APBB2: variants seen among roughly 807,000 people sequenced by gnomAD.
APBB2 encodes amyloid beta precursor protein binding family B member 2, also known as Fe65-like 1.
A neutral mutation model predicts 82.5 loss-of-function variants in APBB2; 38 were observed. That is an observed-to-expected ratio of 0.46 (90% CI 0.36 to 0.60). APBB2 has a LOEUF of 0.60. Ranked by LOEUF, APBB2 falls within the 20% of genes least tolerant of loss-of-function variation. The probability of loss-of-function intolerance (pLI) is 0.00; values close to 1 mark genes in which losing one functional copy is unlikely to be tolerated. For missense variants in APBB2, 772 were observed against 972.3 expected, an observed-to-expected ratio of 0.79 and a Z score of 2.74; for synonymous variants, 341 against 368.2, an observed-to-expected ratio of 0.93 and a Z score of 0.85.
chr4:40,980,636 T>C (rs1798236479), intron 6 of APBB2, among the ~76,000 whole-genome samples: 1 of 152,206 alleles, frequency 6.6e-6, no homozygotes, highest in African/African-American at 2.4e-5. Flanking sequence ...GTAGAAATTA[T>C]AGCCCTAAAG....
intron 12 of APBB2, among the ~76,000 whole-genome samples, chr4:40,862,848 C>A (rs1471471982): frequency 4.3e-5 from 5 of 117,570 alleles, no homozygotes; most frequent in African/African-American, 1.7e-4. Context: ...GAGAGTGAGA[C>A]TCCATCTCAA....
chr4:41,083,923 T>G (rs1738665565), intron 3 of APBB2, among the ~76,000 whole-genome samples: 1 of 152,166 alleles, frequency 6.6e-6, no homozygotes, highest in South Asian at 2.1e-4. Flanking sequence ...AAAATTAAAA[T>G]GCTGTGAATC....
chr4:41,182,001 G>A (rs1336172654), intron 1 of APBB2, among the ~76,000 whole-genome samples: 4 of 151,704 alleles, frequency 2.6e-5, no homozygotes, highest in Non-Finnish European at 5.9e-5. Flanking sequence ...ACATACTTTG[G>A]CATGAAGCCA....
intron 10 of APBB2, among the ~76,000 whole-genome samples, chr4:40,928,443 T>C (rs1042914240): frequency 4.0e-5 from 6 of 150,300 alleles, no homozygotes; most frequent in Non-Finnish European, 5.9e-5. Flanking sequence ...GCCAGGTGTG[T>C]TGACACATGC....
chr4:40,934,725 T>C (rs745645319), intron 8 of APBB2, 26 bp from the exon 9 acceptor site: 1 of 1,522,986 alleles, frequency 6.6e-7, no homozygotes, highest in East Asian at 2.3e-5. Context: ...ACCTTGTTAA[T>C]GTACAATGGG....
chr4:40,923,512 G>C (rs1428199164), intron 10 of APBB2, among the ~76,000 whole-genome samples: 1 of 152,132 alleles, frequency 6.6e-6, no homozygotes, highest in Non-Finnish European at 1.5e-5. Flanking sequence ...ACTCCTGCCC[G>C]AGGCTGTTCA....
chr4:41,162,557 T>C (rs1160779182), intron 1 of APBB2, among the ~76,000 whole-genome samples: 2 of 152,158 alleles, frequency 1.3e-5, no homozygotes, highest in African/African-American at 4.8e-5. Context: ...CATCATAAAA[T>C]AATTTAAGAG....
At chr4:41,138,497 C>G (rs1758210448) in intron 2 of APBB2, among the ~76,000 whole-genome samples, 1 of 72,830 alleles carries the variant, frequency 1.4e-5, no homozygotes, top group Non-Finnish European at 2.6e-5. Flanking sequence ...GAGCTTATAT[C>G]AGACTATATA....
intron 15 of APBB2, 111 bp from the exon 16 acceptor site, chr4:40,823,870 C>A: frequency 1.5e-6 from 1 of 669,990 alleles, no homozygotes; most frequent in Non-Finnish European, 2.7e-6. Context: ...TTTTAATAGA[C>A]AGGACACTTC....
intron 5 of APBB2, among the ~76,000 whole-genome samples, chr4:41,027,364 C>CATATATATATATATATAT (rs36224955): frequency 9.4e-5 from 12 of 127,454 alleles, no homozygotes; most frequent in Non-Finnish European, 1.2e-4. Flanking sequence ...CATATTGTTA[C>CATATATATATATATATAT]ATATATATAT....
intron 10 of APBB2, among the ~76,000 whole-genome samples, chr4:40,910,964 T>C (rs1307025764): frequency 6.6e-6 from 1 of 152,248 alleles, no homozygotes; most frequent in Non-Finnish European, 1.5e-5. Flanking sequence ...ATAGTAAAAT[T>C]GTACACAGCC....
At chr4:41,009,965 T>A (rs1293922867) in intron 6 of APBB2, among the ~76,000 whole-genome samples, 2 of 152,200 alleles carry the variant, frequency 1.3e-5, no homozygotes, top group African/African-American at 2.4e-5. Flanking sequence ...ACAGGAAGGA[T>A]GAAATCAAAA....
intron 12 of APBB2, among the ~76,000 whole-genome samples, chr4:40,836,245 G>A (rs1257122605): frequency 6.6e-6 from 1 of 152,234 alleles, no homozygotes; most frequent in Non-Finnish European, 1.5e-5. Flanking sequence ...GGGAGGCCAA[G>A]GCGGGTGGAT....
intron 5 of APBB2, among the ~76,000 whole-genome samples, chr4:41,025,661 G>A: frequency 6.6e-6 from 1 of 152,096 alleles, no homozygotes; most frequent in Non-Finnish European, 1.5e-5. Flanking sequence ...GCTCATGCCT[G>A]TAATCCTAGC....
chr4:41,117,475 TA>T (rs1751427559), intron 2 of APBB2, among the ~76,000 whole-genome samples: 1 of 151,984 alleles, frequency 6.6e-6, no homozygotes, highest in South Asian at 2.1e-4. Flanking sequence ...GTATTTTTGA[TA>T]AAGATGGGGT....
At chr4:40,939,460 C>T (rs369039479) in intron 7 of APBB2, among the ~76,000 whole-genome samples, 6 of 152,294 alleles carry the variant, frequency 3.9e-5, no homozygotes, top group South Asian at 4.1e-4. Flanking sequence ...CAAAGGGTTA[C>T]GAATCATGTC....
rs117298166 is a variant in APBB2 at position 40,923,369 on chromosome 4, C to T, written c.1254+11087G>A. Among the ~76,000 whole-genome samples the T allele has an allele frequency of 2.0e-4, 30 of 152,340 alleles. No homozygotes were observed. The East Asian group carries it at 5.8e-3, about 29-fold the overall frequency. On this transcript the variant is annotated intron_variant, in intron 10 of 17. Coordinates refer to ENST00000508593, the MANE Select transcript of APBB2 (RefSeq NM_004307.2). Reference sequence around the variant, plus strand: ...TGGCATTAAGCTCTCAGGCAGCAAGCCTGAGAGAACAAGTTCTGAGACGTG... The same window carrying T: ...TGGCATTAAGCTCTCAGGCAGCAAGTCTGAGAGAACAAGTTCTGAGACGTG...
rs941485494 is a variant in APBB2, at chr4:41,021,206, C to T, written c.20-6808G>A. The stretch of plus-strand genomic sequence containing the variant: ...GAGGACCCCTGAACCGACCCGCTGG[C>T]CCTTTCACTGGCCTAAAGAGTTCCC... On this transcript the variant is annotated intron_variant, in intron 5 of 17. Coordinates refer to ENST00000508593, the MANE Select transcript of APBB2 (RefSeq NM_004307.2). Among the ~76,000 whole-genome samples the T allele has an allele frequency of 4.6e-5, 7 of 152,340 alleles. No individual in the cohort carries two copies. The East Asian group carries it at 1.4e-3, about 29-fold the overall frequency.
intron 1 of APBB2, among the ~76,000 whole-genome samples, chr4:41,187,623 T>C (rs1343085076): frequency 1.3e-5 from 2 of 152,240 alleles, no homozygotes; most frequent in Non-Finnish European, 1.5e-5. Context: ...ATACTATCTA[T>C]TGAACATGGT....
Sources: gnomAD v4.1 joint callset for allele counts (sites outside exome capture counted in the v4.1 genomes callset) on GRCh38, gnomAD v4.1.1 for gene constraint, MANE v1.5 for transcripts, NCBI Gene and HGNC (gene_info 2026-07-23, HGNC 2026-07-21) for gene names.